DEPDC5: variants seen among roughly 807,000 people sequenced by gnomAD.
DEPDC5 encodes DEP domain containing 5, GATOR1 subcomplex subunit.
DEPDC5 carries 73 observed loss-of-function variants against 217.3 expected under a neutral mutation model. That is an observed-to-expected ratio of 0.34 (90% confidence interval 0.28 to 0.41). The LOEUF (loss-of-function observed/expected upper bound fraction) is 0.41. Ranked by LOEUF, DEPDC5 falls within the 10% of genes least tolerant of loss-of-function variation. The pLI is 1.00. For synonymous variants in DEPDC5, 733 were observed against 756.7 expected (o/e 0.97, Z 0.51); for missense variants, 1,675 against 2,070.1 (o/e 0.81, Z 3.70).
chr22:31,798,120 G>A (rs1028530760), intron 13 of DEPDC5, among the ~76,000 whole-genome samples: 1 of 151,948 alleles, frequency 6.6e-6, no homozygotes, highest in Non-Finnish European at 1.5e-5. Flanking sequence ...CAAGAGTCTC[G>A]CTGTGTTGAC....
chr22:31,806,245 T>G lies in DEPDC5; in HGVS notation c.1287+54T>G, dbSNP rs1006536296. 2.7e-6 allele frequency: 4 copies of G among 1,496,426 alleles called. No individual in the cohort carries two copies. In the South Asian group the frequency reaches 3.5e-5, roughly 13 times the overall value. The allele number at this position is 1,496,426 out of a possible 1,614,324, so 92.7% of individuals were successfully genotyped here. A position where few individuals can be genotyped will look rare whatever the true frequency, so the allele number is the denominator to read the frequency against. On this transcript the variant is annotated intron_variant, in intron 18 of 42. Coordinates refer to ENST00000651528, the MANE Select transcript of DEPDC5 (RefSeq NM_001242896.3). ...TCTTATTATGTGGTCCAGTCTTATCTTGAGCTCCTGGACTCAATCAGTCCT... is the reference window on the plus strand; with the variant it reads ...TCTTATTATGTGGTCCAGTCTTATCGTGAGCTCCTGGACTCAATCAGTCCT...
At chr22:31,756,339 C>T (rs1337455407) in intron 2 of DEPDC5, among the ~76,000 whole-genome samples, 2 of 152,158 alleles carry the variant, frequency 1.3e-5, no homozygotes, top group Non-Finnish European at 2.9e-5. Context: ...ATGCATTTAG[C>T]AGAGTGTTAG....
In DEPDC5 at chr22:31,906,815, T is replaced by C. The variant is rs144697203; in HGVS notation, c.*318T>C. On this transcript the variant is annotated 3_prime_UTR_variant, in exon 43 of 43. Transcript: ENST00000651528. This position sits in a 1 kb window ranked among gnomAD's most constrained non-coding sequence, Gnocchi z 5.1. Reference sequence around the variant, plus strand: ...CTGGGAAGAGGGCAGGCGGCCCCCATGAATGTCCTCGGAAGGGGGTGGCTC... The same window carrying C: ...CTGGGAAGAGGGCAGGCGGCCCCCACGAATGTCCTCGGAAGGGGGTGGCTC... The C allele has an allele frequency of 1.1e-5, 5 of 451,560 alleles. No individual in the cohort carries two copies. In the East Asian group the frequency reaches 1.9e-4, roughly 17 times the overall value. 28.0% of individuals were successfully genotyped at this position (451,560 alleles called of 1,614,324 possible).
At position 31,901,743 on chromosome 22, in the gene DEPDC5, C is replaced by T. The variant is rs752161342; in HGVS notation, c.4377C>T (p.Ser1459=). The part of the protein sequence containing the change: ...LKEGSEHLFD[S]FEPETYWDRM... ...TATTTATTCTTATTTTCCTTTCAGG[C>T]TTTGAACCCGAAACGTACTGGGATC... Residue 1459 remains serine, a splice_region_variant and synonymous_variant, in exon 41 of 43, where the codon AGC becomes AGT. Transcript: ENST00000651528. 7 of 1,612,418 alleles carry T rather than the reference C, an allele frequency of 4.3e-6. No homozygotes were observed. The highest frequency in any genetic ancestry group is 5.9e-6 in the Non-Finnish European group (7 of 1,179,076).
At chr22:31,864,526 T>TTATATATATATATATATA (rs1304597557) in intron 33 of DEPDC5, among the ~76,000 whole-genome samples, 1 of 117,890 alleles carries the variant, frequency 8.5e-6, no homozygotes, top group South Asian at 2.7e-4. Flanking sequence ...ATATATATAT[T>TTATATATATATATATATA]TATATATTTA....
At chr22:31,787,852 C>T (rs944450428) in intron 10 of DEPDC5, among the ~76,000 whole-genome samples, 11 of 150,792 alleles carry the variant, frequency 7.3e-5, no homozygotes, top group African/African-American at 1.9e-4. Flanking sequence ...AAGAAGACAA[C>T]CCACAGAATG....
chr22:31,779,276 T>G lies in DEPDC5; in HGVS notation c.483+1108T>G, dbSNP rs142172571. Among the ~76,000 whole-genome samples, 26 of 152,354 alleles carry G rather than the reference T, an allele frequency of 1.7e-4. 1 individual carries two copies. The East Asian group carries it at 4.2e-3, about 25-fold the overall frequency. On this transcript the variant is annotated intron_variant, in intron 8 of 42. Transcript: ENST00000651528. ...GTTTACATTGGATGTATTTACATTG[T>G]TTGTAAATACATGTATGTTTGTGCG... is the stretch of plus-strand genomic sequence containing the variant.
At chr22:31,868,707 G>A (rs1182576506) in intron 33 of DEPDC5, among the ~76,000 whole-genome samples, 1 of 152,184 alleles carries the variant, frequency 6.6e-6, no homozygotes, top group South Asian at 2.1e-4. Context: ...GATTACAGGC[G>A]TGAGCCACCG....
intron 35 of DEPDC5, chr22:31,874,008 G>A (rs2092924357): frequency 5.6e-6 from 2 of 355,050 alleles, no homozygotes; most frequent in Admixed American, 9.8e-5. Context: ...GGTCAGGCTG[G>A]TCTCAAACTC....
At chr22:31,766,536 A>G (rs1302580727) in intron 5 of DEPDC5, 49 bp from the exon 6 acceptor site, 5 of 1,581,474 alleles carry the variant, frequency 3.2e-6, no homozygotes, top group Non-Finnish European at 3.5e-6. Flanking sequence ...TTCTGACTAT[A>G]AAGTGTGGCA....
intron 38 of DEPDC5, chr22:31,891,278 CAAAAAACATATCACTTAAAATCATTATCT>C: frequency 3.9e-6 from 2 of 513,604 alleles, no homozygotes; most frequent in Non-Finnish European, 7.3e-6. Flanking sequence ...AATGCAAAAG[CAAAAAACATATCACTTAAAATCATTATCT>C]TTACATTATC....
At chr22:31,804,989 T>A (rs951939380) in intron 17 of DEPDC5, 74 bp downstream of exon 17, 2 of 1,410,004 alleles carry the variant, frequency 1.4e-6, no homozygotes, top group African/African-American at 2.9e-5. Flanking sequence ...TTTAAATCTG[T>A]TAAGTTCTTA....
intron 4 of DEPDC5, among the ~76,000 whole-genome samples, chr22:31,762,395 A>C (rs1217959136): frequency 1.3e-5 from 2 of 152,218 alleles, no homozygotes; most frequent in Admixed American, 1.3e-4. Context: ...AGGAACCAAA[A>C]TGTTAATTGA....
At chr22:31,901,439 T>C (rs1414588385) in intron 40 of DEPDC5, among the ~76,000 whole-genome samples, 7 of 152,176 alleles carry the variant, frequency 4.6e-5, no homozygotes, top group Admixed American at 3.3e-4. Flanking sequence ...GCTTTGGGTA[T>C]AAGAAGTCAT....
chr22:31,885,378 C>G (rs2093281063), intron 38 of DEPDC5, among the ~76,000 whole-genome samples: 2 of 152,164 alleles, frequency 1.3e-5, no homozygotes, highest in African/African-American at 4.8e-5. Context: ...GGCACTGTTC[C>G]CCAAAGATAC....
chr22:31,871,025 T>C (rs1189736182), intron 34 of DEPDC5, among the ~76,000 whole-genome samples: 1 of 152,194 alleles, frequency 6.6e-6, no homozygotes. Flanking sequence ...CTCTGTCCAG[T>C]CTGTCTTGTT....
chr22:31,769,587 TTG>T (rs2083149540), intron 7 of DEPDC5: 1 of 152,148 alleles, frequency 6.6e-6, no homozygotes, highest in Admixed American at 6.6e-5. Flanking sequence ...ATATTTTAGT[TTG>T]TGAAGAAAAA....
chr22:31,834,413 G>A (rs959053554), intron 25 of DEPDC5, among the ~76,000 whole-genome samples: 2 of 152,074 alleles, frequency 1.3e-5, no homozygotes, highest in African/African-American at 4.8e-5. Flanking sequence ...GTAAGAGAAT[G>A]TCTAAATATC....
intron 38 of DEPDC5, among the ~76,000 whole-genome samples, chr22:31,884,257 C>T (rs1462805725): frequency 2.0e-5 from 3 of 152,186 alleles, no homozygotes; most frequent in Non-Finnish European, 2.9e-5. Context: ...CCCCAGCCCT[C>T]GCAGTACTCA....
Sources: gnomAD v4.1 joint callset for allele counts (sites outside exome capture counted in the v4.1 genomes callset) on GRCh38, gnomAD v4.1.1 for gene constraint, Gnocchi (gnomAD v3.1) non-coding constraint, MANE v1.5 for transcripts, NCBI Gene and HGNC (gene_info 2026-07-23, HGNC 2026-07-21) for gene names.